Variants in VPS13B observed in about 807,000 individuals in gnomAD.
The protein encoded by VPS13B is intermembrane lipid transfer protein VPS13B.
Under a neutral mutation model 426.4 loss-of-function variants are expected in VPS13B, and 285 were observed. The ratio of observed to expected loss-of-function variants is 0.67; its 90% CI spans 0.61 to 0.74. VPS13B has a LOEUF of 0.74. VPS13B is among the 30% of genes least tolerant of loss of function. VPS13B has a pLI of 0.00. For synonymous variants in VPS13B, 1,676 were observed against 1,676.4 expected (o/e 1.00, Z 0.01); for missense variants, 4,537 against 4,782.6 (o/e 0.95, Z 1.51).
At chr8:99,505,273 C>T (rs1821435440) in intron 27 of VPS13B, among the ~76,000 whole-genome samples, 1 of 152,204 alleles carries the variant, frequency 6.6e-6, no homozygotes. Flanking sequence ...TCTTCAAGAA[C>T]CTTCCTTTTC....
chr8:99,703,440 A>C (rs1832365722), intron 36 of VPS13B, among the ~76,000 whole-genome samples: 1 of 152,118 alleles, frequency 6.6e-6, no homozygotes, highest in African/African-American at 2.4e-5. Flanking sequence ...AAAACTTCTG[A>C]TTTCAGTAGA....
chr8:99,613,066 C>T (rs1827910882), intron 33 of VPS13B, among the ~76,000 whole-genome samples: 2 of 152,080 alleles, frequency 1.3e-5, no homozygotes, highest in Non-Finnish European at 2.9e-5. Context: ...GATAGCTTTA[C>T]CCTTTATACT....
intron 32 of VPS13B, 66 bp from the exon 33 acceptor site, chr8:99,577,424 G>A: frequency 6.2e-7 from 1 of 1,602,928 alleles, no homozygotes. Flanking sequence ...AAATAAGTAA[G>A]AATGATAAAT....
At chr8:99,176,051 G>A (rs1318539803) in intron 16 of VPS13B, among the ~76,000 whole-genome samples, 1 of 152,084 alleles carries the variant, frequency 6.6e-6, no homozygotes, top group Non-Finnish European at 1.5e-5. Context: ...TCTACAGTAT[G>A]ACTGTGTATT....
chr8:99,848,948 T>C, intron 55 of VPS13B, 54 bp downstream of exon 55: 1 of 1,506,670 alleles, frequency 6.6e-7, no homozygotes, highest in Non-Finnish European at 9.2e-7. Context: ...TGTTACAAAG[T>C]TGTAAACTTA....
chr8:99,590,961 G>C (rs1232956395), intron 33 of VPS13B, among the ~76,000 whole-genome samples: 1 of 152,016 alleles, frequency 6.6e-6, no homozygotes, highest in Non-Finnish European at 1.5e-5. Flanking sequence ...TTGTTATTGT[G>C]TGGGAGTCTA....
chr8:99,755,973 A>G (rs1022780364), intron 39 of VPS13B, among the ~76,000 whole-genome samples: 3 of 152,042 alleles, frequency 2.0e-5, no homozygotes, highest in African/African-American at 7.2e-5. Flanking sequence ...CAGCCTGTAT[A>G]TGTTAAAAAA....
intron 23 of VPS13B, among the ~76,000 whole-genome samples, chr8:99,454,659 T>C (rs531744355): frequency 6.6e-6 from 1 of 152,186 alleles, no homozygotes; most frequent in Non-Finnish European, 1.5e-5. Context: ...CTAAGGTACA[T>C]GCATGACTGC....
chr8:99,548,427 A>T (rs763522957), intron 30 of VPS13B, among the ~76,000 whole-genome samples: 5 of 152,006 alleles, frequency 3.3e-5, no homozygotes, highest in Non-Finnish European at 7.4e-5. Context: ...CTTTAAAAAA[A>T]CTCTAGTGAG....
chr8:99,454,900 C>T (rs3134150), intron 23 of VPS13B, among the ~76,000 whole-genome samples: 25,035 of 152,036 alleles, frequency 0.16, 2,584 homozygotes, highest in East Asian at 0.38. Context: ...TCTTTTTATA[C>T]GCTTATTTGC....
At chr8:99,562,080 T>TTTTC (rs1824951727) in intron 31 of VPS13B, among the ~76,000 whole-genome samples, 1 of 152,138 alleles carries the variant, frequency 6.6e-6, no homozygotes, top group Non-Finnish European at 1.5e-5. Context: ...TAATACTCAC[T>TTTTC]TTTCTTTCTT....
At chr8:99,478,452 TTTTTTTTTTTTTTG>T (rs1819838991) in intron 24 of VPS13B, among the ~76,000 whole-genome samples, 1 of 86,188 alleles carries the variant, frequency 1.2e-5, no homozygotes, top group East Asian at 5.4e-4. Context: ...GTTTTGTTTT[TTTTTTTTTTTTTTG>T]TTTTTTGTTT....
chr8:99,575,564 A>G (rs1414198287), intron 31 of VPS13B, 94 bp from the exon 32 acceptor site: 24 of 1,500,536 alleles, frequency 1.6e-5, no homozygotes, highest in Non-Finnish European at 2.1e-5. Context: ...TAATTTTGCC[A>G]TACATGTTTG....
intron 2 of VPS13B, among the ~76,000 whole-genome samples, chr8:99,022,534 T>A (rs745697885): frequency 1.2e-4 from 18 of 152,192 alleles, no homozygotes; most frequent in Non-Finnish European, 2.5e-4. Context: ...ATAGTCTGTT[T>A]TTGTAAGTGT....
rs376549169 is a variant in VPS13B, at chr8:99,848,801, A to G, written c.9968A>G (p.Tyr3323Cys). The change falls in exon 55 of 62, where the codon TAT becomes TGT. Residue 3323 changes from tyrosine to cysteine, a missense_variant. Coordinates refer to ENST00000357162, the MANE Select transcript of VPS13B (RefSeq NM_152564.5). ...GTTGTGTTCCTGACTGGCTTTGGCT[A>G]TGTGTATGTGGATGTTGTACATCAG... ...TQVVFLTGFG[Y>C]VYVDVVHQCG... 6 of 1,613,960 alleles carry G rather than the reference A, an allele frequency of 3.7e-6. No individual in the cohort carries two copies. The highest frequency in any genetic ancestry group is 1.7e-5 in the Admixed American group (1 of 60,000).
chr8:99,701,211 A>G (rs16897573), intron 36 of VPS13B, among the ~76,000 whole-genome samples: 15,749 of 152,190 alleles, frequency 0.1, 899 homozygotes, highest in African/African-American at 0.15. Context: ...AGGTAAGTAA[A>G]GTTCATGGGT....
At chr8:99,453,332 G>A (rs1277816738) in intron 23 of VPS13B, among the ~76,000 whole-genome samples, 8 of 152,112 alleles carry the variant, frequency 5.3e-5, no homozygotes, top group African/African-American at 4.8e-5. Flanking sequence ...TCCTCAAACC[G>A]TGTATGCAAA....
At chr8:99,801,122 G>A (rs1003062591) in intron 43 of VPS13B, among the ~76,000 whole-genome samples, 3 of 152,092 alleles carry the variant, frequency 2.0e-5, no homozygotes, top group Non-Finnish European at 4.4e-5. Context: ...GATGATTGAT[G>A]CTCTGAGAGG....
chr8:99,765,199 C>T (rs559698516), intron 39 of VPS13B, among the ~76,000 whole-genome samples: 114 of 152,230 alleles, frequency 7.5e-4, no homozygotes, highest in African/African-American at 2.6e-3. Context: ...GAGCTGAGAT[C>T]GTACCACTTC....
Sources: allele counts gnomAD v4.1 joint callset (sites outside exome capture counted in the v4.1 genomes callset), GRCh38; gene constraint gnomAD v4.1.1; transcripts MANE v1.5; gene names NCBI Gene and HGNC (gene_info 2026-07-23, HGNC 2026-07-21).